MYO16: variants seen among roughly 807,000 people sequenced by gnomAD.
MYO16 encodes myosin XVI, also known as unconventional myosin-XVI.
Under a neutral mutation model 205.3 loss-of-function variants are expected in MYO16, and 94 were observed. That is an observed-to-expected ratio of 0.46 (90% CI 0.39 to 0.54). The LOEUF (loss-of-function observed/expected upper bound fraction) is 0.54, where lower values mean the gene tolerates loss of function less well. MYO16 is among the 20% of genes least tolerant of loss of function. MYO16 has a pLI of 0.00. For missense variants in MYO16, 2,315 were observed against 2,387.5 expected, an observed-to-expected ratio of 0.97 and a Z score of 0.63; for synonymous variants, 988 against 954.0, an observed-to-expected ratio of 1.04 and a Z score of -0.66.
At chr13:108,879,292 A>G (rs1320029484) in intron 12 of MYO16, among the ~76,000 whole-genome samples, 1 of 152,220 alleles carries the variant, frequency 6.6e-6, no homozygotes, top group Admixed American at 6.5e-5. Context: ...TACTTTAAAA[A>G]TTATTTTTGC....
At chr13:108,545,689 AC>A in the MYO16 span, among the ~76,000 whole-genome samples, 11 of 152,252 alleles carry the variant, frequency 7.2e-5, no homozygotes, top group East Asian at 1.7e-3. Flanking sequence ...TTTAATAATA[AC>A]CATTCCGGCT....
chr13:108,763,966 C>A (rs535731122), intron 4 of MYO16, among the ~76,000 whole-genome samples: 3 of 151,954 alleles, frequency 2.0e-5, no homozygotes, highest in Middle Eastern at 3.4e-3. Flanking sequence ...CAAAAAAGAC[C>A]GATAAACTCG....
chr13:108,678,675 T>C (rs1385439391), intron 2 of MYO16, among the ~76,000 whole-genome samples: 1 of 152,188 alleles, frequency 6.6e-6, no homozygotes, highest in Non-Finnish European at 1.5e-5. Context: ...CTTCTTTCAC[T>C]CTGTTTTCTT....
At chr13:108,830,074 C>A (rs1270692512) in intron 9 of MYO16, among the ~76,000 whole-genome samples, 1 of 136,522 alleles carries the variant, frequency 7.3e-6, no homozygotes, top group Non-Finnish European at 1.6e-5. Flanking sequence ...CATCTCACAC[C>A]AGTTAGAATG....
chr13:108,844,290 T>C (rs1194413988), intron 9 of MYO16, 53 bp from the exon 10 acceptor site: 58 of 1,482,970 alleles, frequency 3.9e-5, no homozygotes, highest in Admixed American at 5.6e-5. Flanking sequence ...TAATTTTCGA[T>C]TGATAAAACA....
In MYO16 at chr13:108,631,983, CAGG is replaced by C. The variant is rs1880001975; in HGVS notation, c.28+2114_28+2116del. ...ATCCCAGCTACTTGGGAGGTTGAGG[CAGG>C]AGAATTGCTTGAACCCGGGAGGCGG... On this transcript the variant is annotated intron_variant, in intron 1 of 34. Transcript: ENST00000457511. Among the ~76,000 whole-genome samples, 3 of 147,492 alleles carry C rather than the reference CAGG, an allele frequency of 2.0e-5. No individual in the cohort carries two copies. The Admixed American group carries it at 2.1e-4, about 10-fold the overall frequency.
intron 25 of MYO16, among the ~76,000 whole-genome samples, chr13:109,054,696 T>A (rs1175710549): frequency 6.6e-6 from 1 of 152,132 alleles, no homozygotes; most frequent in Non-Finnish European, 1.5e-5. Flanking sequence ...TTACAAATAG[T>A]TGCCCATTTC....
chr13:109,071,296 A>G (rs1185756392), intron 27 of MYO16, among the ~76,000 whole-genome samples: 1 of 152,178 alleles, frequency 6.6e-6, no homozygotes. Flanking sequence ...AGTTGTCAAA[A>G]CTTGGATAAC....
At chr13:108,786,473 T>C (rs1886460031) in intron 5 of MYO16, among the ~76,000 whole-genome samples, 2 of 152,072 alleles carry the variant, frequency 1.3e-5, no homozygotes, top group African/African-American at 4.8e-5. Flanking sequence ...GAAATTCCAA[T>C]CCCTTCAAAA....
Position 109,120,378 on chromosome 13 carries a change from C to A in MYO16, c.3447C>A (p.Val1149=). The A allele has an allele frequency of 6.2e-7, 1 of 1,603,176 alleles. No individual in the cohort carries two copies. The highest frequency in any genetic ancestry group is 8.5e-7 in the Non-Finnish European group (1 of 1,175,192). Residue 1149 remains valine (V), a synonymous_variant, in exon 29 of 35, where the codon GTC becomes GTA. Transcript: ENST00000457511. The part of the protein sequence containing the change: ...QCKLQGWQMG[V]RKVFLKYWHA... ...TGCTGTTTGCATTTTAGATGGGAGT[C>A]CGAAAAGTGTTTCTAAAATACTGGC... is the stretch of plus-strand genomic sequence containing the variant.
rs1202379208 is a variant in MYO16 at position 108,928,828 on chromosome 13, TCAAA to T, written c.1925+18680_1925+18683del. ...CATACCAAAATCTGTACTTTTCATA[TCAAA>T]CTATATTTCAGACACGTGCAGTACA... is the stretch of plus-strand genomic sequence containing the variant. On this transcript the variant is annotated intron_variant, in intron 16 of 34. Transcript: ENST00000457511. Among the ~76,000 whole-genome samples, 3 of 152,210 alleles carry T rather than the reference TCAAA, an allele frequency of 2.0e-5. No homozygotes were observed. The East Asian group carries it at 5.8e-4, about 29-fold the overall frequency.
intron 8 of MYO16, 68 bp downstream of exon 8, chr13:108,820,480 T>G (rs1163932095): frequency 7.7e-7 from 1 of 1,300,070 alleles, no homozygotes; most frequent in East Asian, 2.5e-5. Flanking sequence ...GGAGTAGCCA[T>G]CCATCTTCAG....
intron 20 of MYO16, among the ~76,000 whole-genome samples, chr13:108,974,949 A>C (rs941174366): frequency 1.8e-4 from 27 of 152,214 alleles, no homozygotes; most frequent in African/African-American, 6.5e-4. Context: ...ATTACAGTTT[A>C]CATCTATACT....
Position 108,763,549 on chromosome 13 carries a change from A to AT in MYO16, c.508-22085dup, listed in dbSNP as rs763466792. On this transcript the variant is annotated intron_variant, in intron 4 of 34. Coordinates refer to ENST00000457511, the MANE Select transcript of MYO16 (RefSeq NM_001198950.3). Reference sequence around the variant, plus strand: ...GAATTTGGCGTTGAAACCAATAGTAATATTGATATTTTAATACAGATGTTA... The same window carrying AT: ...GAATTTGGCGTTGAAACCAATAGTAATTATTGATATTTTAATACAGATGTTA... 5.3e-5 allele frequency among the ~76,000 whole-genome samples: 8 copies of AT among 152,304 alleles called. No homozygotes were observed. In the South Asian group the frequency reaches 8.3e-4, roughly 16 times the overall value.
rs143159068 is a variant in MYO16 at position 108,689,579 on chromosome 13, A to G, written c.293-23082A>G. ...AATTATCATATTTAGTAAGAATTCA[A>G]TTAACTTTCATTGTCAAAACTTAGC... On this transcript the variant is annotated intron_variant, in intron 2 of 34. Coordinates refer to ENST00000457511, the MANE Select transcript of MYO16 (RefSeq NM_001198950.3). 1.6e-3 allele frequency among the ~76,000 whole-genome samples: 243 copies of G among 152,292 alleles called. 1 individual carries two copies. The highest frequency in any genetic ancestry group is 5.2e-3 in the African/African-American group (217 of 41,576).
chr13:109,179,835 G>A (rs1879380814), intron 34 of MYO16, among the ~76,000 whole-genome samples: 1 of 151,964 alleles, frequency 6.6e-6, no homozygotes, highest in South Asian at 2.1e-4. Flanking sequence ...CCAAAATAAG[G>A]AATAATGTCC....
chr13:108,727,608 A>G (rs753110255), intron 4 of MYO16, 25 bp downstream of exon 4: 1 of 1,590,838 alleles, frequency 6.3e-7, no homozygotes, highest in Non-Finnish European at 8.6e-7. Flanking sequence ...TCAGTTTACC[A>G]TTTGAAGATT....
Position 108,867,156 on chromosome 13 carries a change from CAACATAATG to C in MYO16, c.1425+916_1425+924del, listed in dbSNP as rs200239525. On this transcript the variant is annotated intron_variant, in intron 12 of 34. Coordinates refer to ENST00000457511, the MANE Select transcript of MYO16 (RefSeq NM_001198950.3). Reference sequence around the variant, plus strand: ...GCCAGGAGTTTGAGACCATCCTGGGCAACATAATGAGAGACCCATCTCTGCAAAAAACAA... The same window carrying C: ...GCCAGGAGTTTGAGACCATCCTGGGCAGAGACCCATCTCTGCAAAAAACAA... Among the ~76,000 whole-genome samples, 101 of 151,446 alleles carry C rather than the reference CAACATAATG, an allele frequency of 6.7e-4. 1 individual carries two copies. The East Asian group carries it at 0.015, about 22-fold the overall frequency.
intron 2 of MYO16, among the ~76,000 whole-genome samples, chr13:108,666,860 C>T (rs756781480): frequency 3.3e-5 from 5 of 152,144 alleles, no homozygotes; most frequent in Non-Finnish European, 7.3e-5. Flanking sequence ...CTATATAGAA[C>T]CCACTTTCCC....
Sources: allele counts gnomAD v4.1 joint callset (sites outside exome capture counted in the v4.1 genomes callset), GRCh38; gene constraint gnomAD v4.1.1; transcripts MANE v1.5; gene names NCBI Gene and HGNC (gene_info 2026-07-23, HGNC 2026-07-21).